KIFC3: variants seen among roughly 807,000 people sequenced by gnomAD.
The protein encoded by KIFC3 is kinesin family member C3, also known as kinesin-like protein KIFC3.
In KIFC3, 60 loss-of-function variants were observed where a neutral mutation model predicts 101.8. The observed-to-expected ratio is 0.59, with a 90% CI of 0.48 to 0.73. The LOEUF (loss-of-function observed/expected upper bound fraction) is 0.73, where lower values mean the gene tolerates loss of function less well. Among genes scored for constraint, KIFC3 ranks in the 30% least tolerant of loss-of-function variants. The pLI, the probability that KIFC3 is intolerant of heterozygous loss-of-function variation, is 0.00. For missense variants in KIFC3, 966 were observed against 1,137.1 expected (o/e 0.85, Z 2.16); for synonymous variants, 476 against 482.7 (o/e 0.99, Z 0.18).
intron 1 of KIFC3, among the ~76,000 whole-genome samples, chr16:57,799,739 G>C (rs1040719169): frequency 6.6e-6 from 1 of 152,176 alleles, no homozygotes; most frequent in Non-Finnish European, 1.5e-5. Flanking sequence ...GGCTCACTGC[G>C]GGGTGGAAAG....
intron 1 of KIFC3, among the ~76,000 whole-genome samples, chr16:57,845,684 C>T (rs1352038392): frequency 1.3e-5 from 2 of 152,170 alleles, no homozygotes; most frequent in Non-Finnish European, 2.9e-5. Context: ...ACAACTCACT[C>T]CTCATCTTCC....
At chr16:57,822,481 C>T (rs9936321) in intron 1 of KIFC3, among the ~76,000 whole-genome samples, 2,554 of 152,214 alleles carry the variant, frequency 0.017, 71 homozygotes, top group African/African-American at 0.059. Context: ...GCAGGCGGCT[C>T]ACTTGAGGAG....
At position 57,798,128 on chromosome 16, in the gene KIFC3, G is replaced by A. The variant is rs202067256; in HGVS notation, c.116C>T (p.Pro39Leu). Residue 39 changes from proline to leucine, a missense_variant, in exon 2 of 20, where the codon CCA (proline) becomes CTA (leucine). Pro to Leu is a moderately conservative substitution (Grantham distance 98). This residue lies in a region of KIFC3 where 277 missense variants were observed against 252.5 expected (regional missense o/e 1.10). Coordinates refer to ENST00000445690, the MANE Select transcript of KIFC3 (RefSeq NM_001130100.2). ...EPGMARPAPA[P>L]ASPAARPFPH... is the part of the protein sequence containing the mutation. ...GAAAGGGCGGGCGGCCGGGCTGGCT[G>A]GGGCTGGGGCGGGGCGAGCCATCCC... is the stretch of plus-strand genomic sequence containing the variant. 5.3e-4 allele frequency: 823 copies of A among 1,564,306 alleles called. 1 individual carries two copies. The highest frequency in any genetic ancestry group is 6.8e-4 in the Non-Finnish European group (781 of 1,155,104).
rs868984039 is a variant in KIFC3 at position 57,758,355 on chromosome 16, G to T, written c.*579C>A. 2 of 273,362 alleles carry T rather than the reference G, an allele frequency of 7.3e-6. No individual in the cohort carries two copies. The allele number at this position is 273,362 out of a possible 1,614,324, so 16.9% of individuals were successfully genotyped here. On this transcript the variant is annotated 3_prime_UTR_variant, in exon 20 of 20. Coordinates refer to ENST00000445690, the MANE Select transcript of KIFC3 (RefSeq NM_001130100.2). ...GAGCGAGCAGCAGAATCCCCCACCC[G>T]CTGGCTGCCTCTGCCAGCCATAAAC...
chr16:57,785,563 G>C (rs530850361), intron 3 of KIFC3: 3 of 1,288,248 alleles, frequency 2.3e-6, no homozygotes, highest in Non-Finnish European at 3.0e-6. Context: ...GGGTCTTCTC[G>C]TCCTGGAGCT....
In KIFC3 at chr16:57,830,733, A is replaced by G. The variant is rs185009107; in HGVS notation, c.108+31996T>C. ...TGGCTGAAATAAAATGCTTTCTTCT[A>G]TAGTAAAGCAGTTGCAAGGAGTAAA... On this transcript the variant is annotated intron_variant, in intron 1 of 2. Coordinates refer to the KIFC3 transcript ENST00000563028. 2.0e-5 allele frequency: 3 copies of G among 152,318 alleles called. No individual in the cohort carries two copies. In the East Asian group the frequency reaches 5.8e-4, roughly 29 times the overall value. 9.4% of individuals were successfully genotyped at this position (152,318 alleles called of 1,614,324 possible).
rs147352507 is a variant in KIFC3 at position 57,771,252 on chromosome 16, C to T, written c.711G>A (p.Leu237=). The T allele has an allele frequency of 1.5e-5, 24 of 1,613,114 alleles. No individual in the cohort carries two copies. In the African/African-American group the frequency reaches 3.2e-4, roughly 22 times the overall value. Residue 237 remains leucine (L), a synonymous_variant, in exon 6 of 20, where the codon CTG becomes CTA. Coordinates refer to ENST00000445690, the MANE Select transcript of KIFC3 (RefSeq NM_001130100.2). ...TGGCAATGGTCTCGTGGCTGTCACG[C>T]AGGCGCCGACTAAGCCGCTCCTCCT... The part of the protein sequence containing the change: ...AQEEERLSRR[L]RDSHETIASL...
chr16:57,823,677 C>A (rs2055398361), intron 1 of KIFC3, among the ~76,000 whole-genome samples: 1 of 152,086 alleles, frequency 6.6e-6, no homozygotes, highest in African/African-American at 2.4e-5. Context: ...ACTGCAACCT[C>A]CACCCCCCAG....
rs1483364082 is a variant in KIFC3 at position 57,758,649 on chromosome 16, G to A, written c.*285C>T. On this transcript the variant is annotated 3_prime_UTR_variant, in exon 20 of 20. Transcript: ENST00000445690. ...CCGCCCTCCTCACGGGGCCCAGTTC[G>A]CTGATGGCCCAGGCCTGCCAGGAAG... 2.1e-5 allele frequency: 15 copies of A among 702,088 alleles called. No homozygotes were observed. The East Asian group carries it at 3.2e-4, about 15-fold the overall frequency. 43.5% of individuals were successfully genotyped at this position (702,088 alleles called of 1,614,324 possible).
At chr16:57,822,379 C>T (rs536007159) in intron 1 of KIFC3, among the ~76,000 whole-genome samples, 2 of 152,270 alleles carry the variant, frequency 1.3e-5, no homozygotes, top group Admixed American at 6.5e-5. Context: ...GCCTTTCATT[C>T]TACAAAATAA....
intron 3 of KIFC3, chr16:57,776,312 G>A: frequency 1.0e-6 from 1 of 985,428 alleles, no homozygotes; most frequent in Non-Finnish European, 1.2e-6. Flanking sequence ...CAGAAGGCCT[G>A]ATCCTGGCTG....
At chr16:57,774,682 C>G in intron 3 of KIFC3, 1 of 339,404 alleles carries the variant, frequency 2.9e-6, no homozygotes. Context: ...ACCATCACGC[C>G]CGGCTAATTT....
upstream of KIFC3, chr16:57,803,156 G>T: frequency 1.1e-6 from 1 of 908,544 alleles, no homozygotes. Context: ...CAAGGAAGCT[G>T]CCTGGAGTCC....
intron 11 of KIFC3, 35 bp downstream of exon 11, chr16:57,765,424 C>T: frequency 3.2e-6 from 5 of 1,542,036 alleles, no homozygotes; most frequent in Non-Finnish European, 4.4e-6. Context: ...CCCTCTCTCC[C>T]TTGCTTTCCC....
chr16:57,859,782 G>T (rs12927748), intron 1 of KIFC3, among the ~76,000 whole-genome samples: 7,251 of 152,012 alleles, frequency 0.048, 234 homozygotes, highest in Non-Finnish European at 0.071. Flanking sequence ...AGCACTTCGG[G>T]AGGCTGAGGC....
chr16:57,774,902 A>C, intron 3 of KIFC3: 1 of 1,432,776 alleles, frequency 7.0e-7, no homozygotes, highest in East Asian at 2.7e-5. Flanking sequence ...CTTCCTCTTC[A>C]AAAGGTTGAA....
At position 57,770,574 on chromosome 16, in the gene KIFC3, G is replaced by C; in HGVS notation, c.892C>G (p.Gln298Glu). ...MQRQVLKEME[Q>E]QLQSSHQLTA... ...AGCTGGTGTGAGCTCTGCAGCTGCTGTTCCATCTCCTTCAGCACCTGCCTC... is the reference window on the plus strand; with the variant it reads ...AGCTGGTGTGAGCTCTGCAGCTGCTCTTCCATCTCCTTCAGCACCTGCCTC... Residue 298 changes from glutamine to glutamate, a missense_variant, in exon 7 of 20, where the codon CAG (glutamine) becomes GAG (glutamate). By Grantham distance (29) the Gln-to-Glu change is conservative (BLOSUM62 2). Around this residue, in one of 2 missense-constraint regions of KIFC3, gnomAD observed 689 missense variants for 884.6 expected, o/e 0.78. Transcript: ENST00000445690. 6.6e-7 allele frequency: 1 copy of C among 1,515,124 alleles called. No homozygotes were observed. Among genetic ancestry groups the C allele is most frequent in the South Asian group, 1.3e-5 (1 of 79,890 alleles). The allele number at this position is 1,515,124 out of a possible 1,614,324, so 93.9% of individuals were successfully genotyped here. A position where few individuals can be genotyped will look rare whatever the true frequency, so the allele number is the denominator to read the frequency against.
chr16:57,796,716 T>C (rs1285466959), intron 2 of KIFC3, among the ~76,000 whole-genome samples: 3 of 152,202 alleles, frequency 2.0e-5, no homozygotes, highest in Non-Finnish European at 2.9e-5. Context: ...AAAGCTGAGA[T>C]AACACAATAT....
Position 57,802,201 on chromosome 16 carries a change from G to A in KIFC3, c.-40+169C>T, listed in dbSNP as rs1247321269. On this transcript the variant is annotated intron_variant, in intron 1 of 19. Transcript: ENST00000445690. The surrounding 1 kb of genome is among the most constrained non-coding windows in gnomAD (Gnocchi z 5.0). ...CGACTCGGGCTGAACGGCGCTGGAG[G>A]GGACCTCGCAGGGCTGGGTCTCCCG... Among the ~76,000 whole-genome samples the A allele has an allele frequency of 1.3e-5, 2 of 152,182 alleles. No individual in the cohort carries two copies.
Sources: allele counts gnomAD v4.1 joint callset (sites outside exome capture counted in the v4.1 genomes callset), GRCh38; gene constraint gnomAD v4.1.1; regional missense constraint gnomAD v4.1.1; non-coding constraint Gnocchi (gnomAD v3.1); transcripts MANE v1.5; gene names NCBI Gene and HGNC (gene_info 2026-07-23, HGNC 2026-07-21).